Variants in RABEPK observed in about 807,000 individuals in gnomAD.
RABEPK encodes the protein Rab9 effector protein with kelch motifs, also known as 40 kDa Rab9 effector protein.
RABEPK carries 27 observed loss-of-function variants against 34.1 expected under a neutral mutation model. The ratio of observed to expected loss-of-function variants is 0.79; its 90% CI spans 0.58 to 1.09. The LOEUF (loss-of-function observed/expected upper bound fraction) is 1.09, where lower values mean the gene tolerates loss of function less well. Ranked by LOEUF, RABEPK falls within the 50% of genes least tolerant of loss-of-function variation. The probability of loss-of-function intolerance (pLI) is 0.00; values close to 1 mark genes in which losing one functional copy is unlikely to be tolerated. For synonymous variants in RABEPK, 172 were observed against 169.2 expected (o/e 1.02, Z -0.13); for missense variants, 449 against 462.6 (o/e 0.97, Z 0.27).
At chr9:125,207,414 T>A in intron 2 of RABEPK, 150 bp from the exon 3 acceptor site, 1 of 786,968 alleles carries the variant, frequency 1.3e-6, no homozygotes, top group East Asian at 2.6e-5. Flanking sequence ...GGTACTATTA[T>A]TAATCAGAGA....
chr9:125,202,410 T>A (rs957179709), intron 1 of RABEPK, among the ~76,000 whole-genome samples: 3 of 151,654 alleles, frequency 2.0e-5, no homozygotes, highest in Non-Finnish European at 4.4e-5. Flanking sequence ...TAATCTCAGC[T>A]ACTCAGGAGG....
At chr9:125,206,555 C>T (rs1322902900) in intron 2 of RABEPK, among the ~76,000 whole-genome samples, 2 of 151,588 alleles carry the variant, frequency 1.3e-5, no homozygotes, top group African/African-American at 4.8e-5. Flanking sequence ...TGTGATTTTT[C>T]AGAGTGCTAG....
chr9:125,224,882 C>T (rs1831625765), intron 5 of RABEPK, among the ~76,000 whole-genome samples: 1 of 152,152 alleles, frequency 6.6e-6, no homozygotes, highest in Admixed American at 6.6e-5. Flanking sequence ...TAACCATTAT[C>T]CTATACTGCC....
intron 2 of RABEPK, among the ~76,000 whole-genome samples, chr9:125,205,595 C>T (rs536760952): frequency 6.6e-6 from 1 of 152,120 alleles, no homozygotes; most frequent in African/African-American, 2.4e-5. Context: ...CGGGTTCAAG[C>T]GATCCTGCCT....
At chr9:125,224,454 CT>C (rs34504635) in intron 5 of RABEPK, among the ~76,000 whole-genome samples, 58,437 of 124,270 alleles carry the variant, frequency 0.47, 12,113 homozygotes, top group Middle Eastern at 0.51. Context: ...TAGGTATTGT[CT>C]TTTTTTTTTT....
rs1401518965 is a variant in RABEPK, at chr9:125,223,818, G to A, written c.526+3118G>A. Among the ~76,000 whole-genome samples, 6 of 151,956 alleles carry A rather than the reference G, an allele frequency of 3.9e-5. No homozygotes were observed. In the South Asian group the frequency reaches 8.3e-4, roughly 21 times the overall value. On this transcript the variant is annotated intron_variant, in intron 5 of 7. Coordinates refer to ENST00000373538, the MANE Select transcript of RABEPK (RefSeq NM_005833.4). ...AAATTAAATTCCTTGGGACACTGGG[G>A]ACTCCTTGAACAACCAGCAGGCATA...
At chr9:125,230,111 G>A (rs1202560328) in intron 6 of RABEPK, among the ~76,000 whole-genome samples, 2 of 151,950 alleles carry the variant, frequency 1.3e-5, no homozygotes, top group Non-Finnish European at 2.9e-5. Context: ...CAACAGGCAC[G>A]TGCTACAACA....
At chr9:125,207,501 A>G in intron 2 of RABEPK, 63 bp from the exon 3 acceptor site, 1 of 1,516,320 alleles carries the variant, frequency 6.6e-7, no homozygotes, top group Non-Finnish European at 9.1e-7. Context: ...TGAGGAATGG[A>G]AAGAGCACAC....
chr9:125,216,691 G>C (rs980926395), intron 4 of RABEPK, among the ~76,000 whole-genome samples: 4 of 152,138 alleles, frequency 2.6e-5, no homozygotes, highest in Admixed American at 2.6e-4. Flanking sequence ...GGCCGGGCAT[G>C]GTGGCTCATG....
chr9:125,227,766 G>A (rs956986974), intron 5 of RABEPK, 144 bp from the exon 6 acceptor site: 1 of 549,924 alleles, frequency 1.8e-6, no homozygotes, highest in Non-Finnish European at 2.9e-6. Flanking sequence ...GGATTGGCTG[G>A]GGGAGTTGGA....
At position 125,233,740 on chromosome 9, in the gene RABEPK, A is replaced by G. The variant is rs1483098814; in HGVS notation, c.879A>G (p.Arg293=). 1.2e-6 allele frequency: 2 copies of G among 1,614,064 alleles called. No individual in the cohort carries two copies. The highest frequency in any genetic ancestry group is 8.5e-7 in the Non-Finnish European group (1 of 1,179,952). ...TTGATACTCTTCTACCCCCTGGACG[A>G]TTGGACCATTCCATGTGTATCATTC... is the stretch of plus-strand genomic sequence containing the variant. ...LKFDTLLPPG[R]LDHSMCIIPW... is the part of the protein sequence containing the mutation. Residue 293 remains arginine, a synonymous_variant, in exon 8 of 8, where the codon CGA becomes CGG. Coordinates refer to ENST00000373538, the MANE Select transcript of RABEPK (RefSeq NM_005833.4).
At chr9:125,231,278 A>C (rs562975960) in intron 6 of RABEPK, among the ~76,000 whole-genome samples, 35 of 152,088 alleles carry the variant, frequency 2.3e-4, no homozygotes, top group African/African-American at 7.5e-4. Flanking sequence ...TGGGTAACAG[A>C]GTGAGACTCT....
At chr9:125,213,901 A>T (rs1172373349) in intron 4 of RABEPK, among the ~76,000 whole-genome samples, 1 of 152,154 alleles carries the variant, frequency 6.6e-6, no homozygotes, top group Admixed American at 6.6e-5. Flanking sequence ...AAGGCAGATC[A>T]CTTGAGGTCA....
intron 5 of RABEPK, among the ~76,000 whole-genome samples, chr9:125,223,349 G>A (rs886716452): frequency 2.0e-5 from 3 of 151,844 alleles, no homozygotes; most frequent in African/African-American, 7.3e-5. Context: ...CCAGCTACTA[G>A]GGAGGCTGAG....
chr9:125,218,001 A>C (rs16927967), intron 4 of RABEPK, among the ~76,000 whole-genome samples: 3,298 of 151,946 alleles, frequency 0.022, 119 homozygotes, highest in African/African-American at 0.075. Flanking sequence ...TGGTAGAGCA[A>C]GTGTGGGACT....
chr9:125,233,851 C>CTTTT lies in RABEPK; in HGVS notation c.990_991insTTTT (p.Lys331PhefsTer2). The CTTTT allele has an allele frequency of 6.2e-7, 1 of 1,614,132 alleles. No homozygotes were observed. Among genetic ancestry groups the CTTTT allele is most frequent in the Non-Finnish European group, 8.5e-7 (1 of 1,180,032 alleles). ...AAGCTGAGAAAGAGGATTCAGCTGA[C>CTTTT]AAAGTAATGAGCCACAGTGGTGACT... On this transcript the variant is annotated frameshift_variant, in exon 8 of 8. Coordinates refer to ENST00000373538, the MANE Select transcript of RABEPK (RefSeq NM_005833.4). LOFTEE classifies it high-confidence loss of function.
intron 5 of RABEPK, among the ~76,000 whole-genome samples, chr9:125,226,269 A>G (rs1831737784): frequency 6.6e-6 from 1 of 151,624 alleles, no homozygotes; most frequent in South Asian, 2.1e-4. Flanking sequence ...GTGGGCGAAG[A>G]TCGCACTTGT....
chr9:125,230,926 T>C (rs1379694084), intron 6 of RABEPK, among the ~76,000 whole-genome samples: 1 of 152,166 alleles, frequency 6.6e-6, no homozygotes, highest in Non-Finnish European at 1.5e-5. Context: ...TTTTCTGGTG[T>C]TAGGAACTAC....
At chr9:125,223,565 A>G (rs1588391563) in intron 5 of RABEPK, among the ~76,000 whole-genome samples, 2 of 152,112 alleles carry the variant, frequency 1.3e-5, no homozygotes, top group East Asian at 3.9e-4. Flanking sequence ...GTCTATTATA[A>G]ACAATACTGT....
Sources: gnomAD v4.1 joint callset for allele counts (sites outside exome capture counted in the v4.1 genomes callset) on GRCh38, gnomAD v4.1.1 for gene constraint, MANE v1.5 for transcripts, NCBI Gene and HGNC (gene_info 2026-07-23, HGNC 2026-07-21) for gene names.